The following PCDH9 variants were observed in gnomAD, a reference collection of about 807,000 sequenced individuals.
PCDH9 encodes the protein protocadherin-9.
PCDH9 carries 24 observed loss-of-function variants against 70.6 expected under a neutral mutation model. The observed-to-expected ratio is 0.34, with a 90% CI of 0.25 to 0.48. The LOEUF (loss-of-function observed/expected upper bound fraction) is 0.48. Among genes scored for constraint, PCDH9 ranks in the 20% least tolerant of loss-of-function variants. PCDH9 has a pLI of 0.99. For missense variants in PCDH9, 1,281 were observed against 1,503.6 expected (o/e 0.85, Z 2.45); for synonymous variants, 562 against 558.5 (o/e 1.01, Z -0.09).
At chr13:66,905,530 T>C (rs575657560) in intron 2 of PCDH9, among the ~76,000 whole-genome samples, 2 of 152,290 alleles carry the variant, frequency 1.3e-5, no homozygotes, top group South Asian at 2.1e-4. Context: ...TTTAGAATCC[T>C]TGGGTTAAGG....
chr13:67,168,185 C>T lies in PCDH9; in HGVS notation c.3036+57220G>A, dbSNP rs115607299. 2.9e-3 allele frequency among the ~76,000 whole-genome samples: 438 copies of T among 152,232 alleles called. 2 individuals carry two copies. The highest frequency in any genetic ancestry group is 0.01 in the African/African-American group (418 of 41,548). On this transcript the variant is annotated intron_variant, in intron 2 of 4. Transcript: ENST00000377865. ...ACATTTATGACAAGTTGTGACAAAA[C>T]CTTTATTCTTGCACCCTTCTTCTAA...
chr13:67,184,530 A>C (rs1594626643), intron 2 of PCDH9, among the ~76,000 whole-genome samples: 1 of 152,284 alleles, frequency 6.6e-6, no homozygotes, highest in African/African-American at 2.4e-5. Flanking sequence ...GAAATTCAAG[A>C]CCAGCCAGAG....
chr13:66,433,346 T>G (rs897830457), intron 4 of PCDH9, among the ~76,000 whole-genome samples: 13 of 152,042 alleles, frequency 8.6e-5, no homozygotes, highest in Non-Finnish European at 1.5e-4. Flanking sequence ...TCATCATTTA[T>G]TAAAAATCTA....
intron 4 of PCDH9, among the ~76,000 whole-genome samples, chr13:66,571,579 A>G (rs988153445): frequency 1.3e-5 from 2 of 151,952 alleles, no homozygotes; most frequent in Non-Finnish European, 2.9e-5. Context: ...TCTACATATC[A>G]GTTGTACTCC....
intron 3 of PCDH9, among the ~76,000 whole-genome samples, chr13:66,792,677 C>G (rs1323794944): frequency 6.6e-6 from 1 of 151,866 alleles, no homozygotes; most frequent in Non-Finnish European, 1.5e-5. Context: ...CTCAAAACAA[C>G]AACAACAAAA....
In PCDH9 at chr13:66,437,404, C is replaced by CAAAAAAAAAAAAAA. The variant is rs66796123; in HGVS notation, c.3341-132390_3341-132377dup. On this transcript the variant is annotated intron_variant, in intron 4 of 4. Transcript: ENST00000377865. ...TGGGTGACAGAGCAAGACTCTGTCT[C>CAAAAAAAAAAAAAA]AAAAAAAAAAAAAAAAAAAAAAGGA... Among the ~76,000 whole-genome samples, 3 of 45,588 alleles carry CAAAAAAAAAAAAAA rather than the reference C, an allele frequency of 6.6e-5. 1 individual carries two copies. Among genetic ancestry groups the CAAAAAAAAAAAAAA allele is most frequent in the Non-Finnish European group, 8.3e-5 (2 of 23,982 alleles). 29.9% of individuals were successfully genotyped at this position (45,588 alleles called of 152,430 possible).
At chr13:66,911,740 T>C (rs1169644419) in intron 2 of PCDH9, among the ~76,000 whole-genome samples, 2 of 152,196 alleles carry the variant, frequency 1.3e-5, no homozygotes, top group African/African-American at 4.8e-5. Flanking sequence ...ACATGTTATA[T>C]TGCTTGAGCA....
chr13:66,408,219 C>G (rs916578850), intron 4 of PCDH9, among the ~76,000 whole-genome samples: 1 of 151,846 alleles, frequency 6.6e-6, no homozygotes, highest in East Asian at 1.9e-4. Flanking sequence ...CCACCGCGCC[C>G]GGCTAATTTT....
At chr13:66,612,455 T>C (rs558865857) in intron 4 of PCDH9, among the ~76,000 whole-genome samples, 1 of 152,346 alleles carries the variant, frequency 6.6e-6, no homozygotes, top group South Asian at 2.1e-4. Context: ...TGTGGTTGTT[T>C]CCTGGACTTG....
At chr13:66,471,235 A>G (rs1014533502) in intron 4 of PCDH9, among the ~76,000 whole-genome samples, 47 of 152,076 alleles carry the variant, frequency 3.1e-4, no homozygotes, top group African/African-American at 1.0e-3. Context: ...GAGGGAGGCA[A>G]TGAGAAAAGG....
intron 4 of PCDH9, among the ~76,000 whole-genome samples, chr13:66,626,957 G>C (rs1301472460): frequency 1.4e-5 from 2 of 142,996 alleles, no homozygotes; most frequent in East Asian, 4.1e-4. Flanking sequence ...GCCACTGTGT[G>C]TGTGTGTGTG....
intron 2 of PCDH9, among the ~76,000 whole-genome samples, chr13:67,138,055 G>C (rs1465528808): frequency 1.3e-5 from 2 of 151,798 alleles, no homozygotes; most frequent in Non-Finnish European, 2.9e-5. Context: ...AGAATTTTTA[G>C]CAGACTGGGA....
chr13:66,929,123 T>C (rs1027097843), intron 2 of PCDH9, among the ~76,000 whole-genome samples: 2 of 152,092 alleles, frequency 1.3e-5, no homozygotes, highest in African/African-American at 4.8e-5. Context: ...TTTTCCTCTT[T>C]AAAATTATAC....
intron 2 of PCDH9, among the ~76,000 whole-genome samples, chr13:66,930,099 G>A (rs958274920): frequency 6.6e-6 from 1 of 152,062 alleles, no homozygotes; most frequent in African/African-American, 2.4e-5. Context: ...CCTATGATAG[G>A]ATCTAGCCCT....
intron 2 of PCDH9, among the ~76,000 whole-genome samples, chr13:67,101,070 A>G (rs908583141): frequency 6.6e-6 from 1 of 152,278 alleles, no homozygotes; most frequent in South Asian, 2.1e-4. Flanking sequence ...CATTGATAGC[A>G]AGAATCTTTT....
At chr13:66,818,880 G>A (rs2080657449) in intron 3 of PCDH9, among the ~76,000 whole-genome samples, 1 of 151,660 alleles carries the variant, frequency 6.6e-6, no homozygotes, top group Non-Finnish European at 1.5e-5. Flanking sequence ...CTTGCAGTGG[G>A]CCGAGATCGC....
intron 3 of PCDH9, among the ~76,000 whole-genome samples, chr13:66,732,219 AG>A (rs1463205121): frequency 6.6e-6 from 1 of 151,950 alleles, no homozygotes; most frequent in Non-Finnish European, 1.5e-5. Context: ...GGATCAAATC[AG>A]GGTAATTGAG....
intron 3 of PCDH9, among the ~76,000 whole-genome samples, chr13:66,825,471 G>T (rs2139392590): frequency 6.7e-6 from 1 of 148,920 alleles, no homozygotes; most frequent in South Asian, 2.1e-4. Context: ...CGTGTAGCTG[G>T]GACTACAGGC....
intron 2 of PCDH9, among the ~76,000 whole-genome samples, chr13:67,185,717 T>C (rs1292437015): frequency 2.0e-5 from 3 of 152,144 alleles, no homozygotes; most frequent in Admixed American, 6.6e-5. Flanking sequence ...TAGTTAAACG[T>C]ATGGAAGATT....
Sources: gnomAD v4.1 joint callset for allele counts (sites outside exome capture counted in the v4.1 genomes callset) on GRCh38, gnomAD v4.1.1 for gene constraint, MANE v1.5 for transcripts, NCBI Gene and HGNC (gene_info 2026-07-23, HGNC 2026-07-21) for gene names.